AEBP1: variants seen among roughly 807,000 people sequenced by gnomAD.
The protein encoded by AEBP1 is adipocyte enhancer-binding protein 1.
A neutral mutation model predicts 116.5 loss-of-function variants in AEBP1; 69 were observed. The ratio of observed to expected loss-of-function variants is 0.59; its 90% CI spans 0.49 to 0.72. The LOEUF is 0.72. AEBP1 is among the 30% of genes least tolerant of loss of function. The pLI, the probability that AEBP1 is intolerant of heterozygous loss-of-function variation, is 0.00. For synonymous variants in AEBP1, 627 were observed against 627.3 expected, an observed-to-expected ratio of 1.00 and a Z score of 0.01; for missense variants, 1,444 against 1,557.5, an observed-to-expected ratio of 0.93 and a Z score of 1.23.
intron 1 of AEBP1, among the ~76,000 whole-genome samples, chr7:44,105,973 A>C (rs1054616236): frequency 6.6e-6 from 1 of 152,158 alleles, no homozygotes; most frequent in Non-Finnish European, 1.5e-5. Flanking sequence ...TGAACCCCCC[A>C]GGACTCCCTA....
chr7:44,113,426 CAG>C lies in AEBP1; in HGVS notation c.2809+76_2809+77del. On this transcript the variant is annotated intron_variant, in intron 20 of 20. Transcript: ENST00000223357. This position sits in a 1 kb window ranked among gnomAD's most constrained non-coding sequence, Gnocchi z 5.3. ...AGAGAGGGTGGGGGCTTGAGGAACTCAGCGAGCAGGTAGAGTCTGGGGAGCCT... is the reference window on the plus strand; with the variant it reads ...AGAGAGGGTGGGGGCTTGAGGAACTCCGAGCAGGTAGAGTCTGGGGAGCCT... 1 of 1,501,352 alleles carries C rather than the reference CAG, an allele frequency of 6.7e-7. No homozygotes were observed. Among genetic ancestry groups the C allele is most frequent in the Non-Finnish European group, 9.1e-7 (1 of 1,104,660 alleles). The allele number at this position is 1,501,352 out of a possible 1,614,324, so 93.0% of individuals were successfully genotyped here.
At position 44,108,210 on chromosome 7, in the gene AEBP1, G is replaced by A. The variant is rs761777473; in HGVS notation, c.940+126G>A. 4.5e-5 allele frequency: 37 copies of A among 825,008 alleles called. No individual in the cohort carries two copies. The highest frequency in any genetic ancestry group is 6.7e-5 in the Non-Finnish European group (34 of 507,492). 51.1% of individuals were successfully genotyped at this position (825,008 alleles called of 1,614,324 possible). A position where few individuals can be genotyped will look rare whatever the true frequency, so the allele number is the denominator to read the frequency against. On this transcript the variant is annotated intron_variant, in intron 6 of 20. Coordinates refer to ENST00000223357, the MANE Select transcript of AEBP1 (RefSeq NM_001129.5). The surrounding 1 kb of genome is among the most constrained non-coding windows in gnomAD (Gnocchi z 5.0). ...CCCCACCTGTGCCCGTGGTTACCTC[G>A]CTGTCCCTGCTGTCCCTGCGTGCCC...
At chr7:44,105,365 G>C (rs1459711875) in intron 1 of AEBP1, among the ~76,000 whole-genome samples, 1 of 152,144 alleles carries the variant, frequency 6.6e-6, no homozygotes, top group Non-Finnish European at 1.5e-5. Context: ...AGTTTCAGGT[G>C]GTGGTGAGCA....
chr7:44,108,116 C>T lies in AEBP1; in HGVS notation c.940+32C>T. On this transcript the variant is annotated intron_variant, in intron 6 of 20. Transcript: ENST00000223357. This position sits in a 1 kb window ranked among gnomAD's most constrained non-coding sequence, Gnocchi z 5.0. The stretch of plus-strand genomic sequence containing the variant: ...ACCCAGCACCCCAGAGTCTGAGGGA[C>T]ATAGGCAGGTGGGGGTCGGGGCTGG... 6.4e-7 allele frequency: 1 copy of T among 1,572,048 alleles called. No individual in the cohort carries two copies. The highest frequency in any genetic ancestry group is 8.6e-7 in the Non-Finnish European group (1 of 1,159,218).
intron 1 of AEBP1, 30 bp from the exon 2 acceptor site, chr7:44,106,516 T>C (rs1298935744): frequency 6.4e-7 from 1 of 1,555,500 alleles, no homozygotes; most frequent in Non-Finnish European, 8.7e-7. Flanking sequence ...CTGGCTCTGT[T>C]CATTTGACAC....
Position 44,112,644 on chromosome 7 carries a change from A to G in AEBP1, c.2304A>G (p.Leu768=). The G allele has an allele frequency of 1.9e-6, 3 of 1,612,846 alleles. No individual in the cohort carries two copies. Among genetic ancestry groups the G allele is most frequent in the Non-Finnish European group, 2.5e-6 (3 of 1,179,604 alleles). ...LGANLNGGER[L]VSYPYDMART... ...CAAATCTGAACGGCGGCGAGCGGCTAGTATCCTACCCCTACGATATGGCCC... is the reference window on the plus strand; with the variant it reads ...CAAATCTGAACGGCGGCGAGCGGCTGGTATCCTACCCCTACGATATGGCCC... The change falls in exon 18 of 21, where the codon CTA becomes CTG. Residue 768 remains leucine (L), a synonymous_variant. Coordinates refer to ENST00000223357, the MANE Select transcript of AEBP1 (RefSeq NM_001129.5). This position sits in a 1 kb window ranked among gnomAD's most constrained non-coding sequence, Gnocchi z 6.6.
Position 44,107,645 on chromosome 7 carries a change from C to T in AEBP1, c.684C>T (p.Thr228=), listed in dbSNP as rs148932183. The T allele has an allele frequency of 4.6e-5, 74 of 1,613,422 alleles. No homozygotes were observed. The highest frequency in any genetic ancestry group is 4.3e-4 in the African/African-American group (32 of 74,822). The change falls in exon 4 of 21, where the codon ACC becomes ACT. Residue 228 remains threonine (T), a synonymous_variant. Coordinates refer to ENST00000223357, the MANE Select transcript of AEBP1 (RefSeq NM_001129.5). The surrounding 1 kb of genome is among the most constrained non-coding windows in gnomAD (Gnocchi z 4.3). ...REHQPEPEEE[T]EQPTLDYNDQ... ...TCCCCTCAGAGCCGGAGGAGGAGACCGAGCAACCCACACTGGACTACAATG... is the reference window on the plus strand; with the variant it reads ...TCCCCTCAGAGCCGGAGGAGGAGACTGAGCAACCCACACTGGACTACAATG...
chr7:44,107,916 C>T lies in AEBP1; in HGVS notation c.847C>T (p.Pro283Ser). Reference protein sequence around the residue: ...PPEEKAPAPAPEERIEPPVKP... With the variant: ...PPEEKAPAPASEERIEPPVKP... Reference sequence around the variant, plus strand: ...TGAGGAGAAGGCCCCGGCCCCAGCCCCGGAGGAGAGGATTGGTAGGATGGG... The same window carrying T: ...TGAGGAGAAGGCCCCGGCCCCAGCCTCGGAGGAGAGGATTGGTAGGATGGG... Residue 283 changes from proline (P) to serine (S), a missense_variant, in exon 5 of 21, where the codon CCG becomes TCG. Pro to Ser is a moderately conservative substitution (Grantham distance 74). Transcript: ENST00000223357. This position sits in a 1 kb window ranked among gnomAD's most constrained non-coding sequence, Gnocchi z 4.3. 6.3e-7 allele frequency: 1 copy of T among 1,590,140 alleles called. No homozygotes were observed. Among genetic ancestry groups the T allele is most frequent in the Admixed American group, 1.7e-5 (1 of 57,212 alleles).
rs1302474771 is a variant in AEBP1, at chr7:44,108,229, C to T, written c.940+145C>T. On this transcript the variant is annotated intron_variant, in intron 6 of 20. Transcript: ENST00000223357. The surrounding 1 kb of genome is among the most constrained non-coding windows in gnomAD (Gnocchi z 5.0). ...TACCTCGCTGTCCCTGCTGTCCCTG[C>T]GTGCCCACCCCAGCCACTGCCCTGT... The T allele has an allele frequency of 2.1e-5, 16 of 760,244 alleles. 1 individual carries two copies. Among genetic ancestry groups the T allele is most frequent in the South Asian group, 1.0e-4 (6 of 58,162 alleles). The allele number at this position is 760,244 out of a possible 1,614,324, so 47.1% of individuals were successfully genotyped here.
At position 44,114,226 on chromosome 7, in the gene AEBP1, G is replaced by A. The variant is rs13898; in HGVS notation, c.3442G>A (p.Val1148Ile). 0.031 allele frequency: 49,218 copies of A among 1,611,706 alleles called. 912 individuals are homozygous for A. Among genetic ancestry groups the A allele is most frequent in the Non-Finnish European group, 0.037 (44,023 of 1,179,128 alleles). ...TGGCCAGGCATTCCCCTTCACAACA[G>A]TAGAGACCTACACAGTGAACTTTGG... is the stretch of plus-strand genomic sequence containing the variant. ...ATGQAFPFTTVETYTVNFGDF is the reference protein window; with the variant it reads ...ATGQAFPFTTIETYTVNFGDF The change falls in exon 21 of 21, where the codon GTA (valine) becomes ATA (isoleucine). Residue 1148 changes from valine (V) to isoleucine (I), a missense_variant. Physicochemically the swap from Val to Ile is conservative, Grantham distance 29. Transcript: ENST00000223357.
chr7:44,110,878 C>T, intron 12 of AEBP1, 35 bp from the exon 13 acceptor site: 1 of 1,613,330 alleles, frequency 6.2e-7, no homozygotes, highest in Non-Finnish European at 8.5e-7. Flanking sequence ...CTCAGAGGGG[C>T]TGGCAGTACT....
intron 1 of AEBP1, among the ~76,000 whole-genome samples, chr7:44,105,240 G>C (rs1586044103): frequency 6.6e-6 from 1 of 152,204 alleles, no homozygotes; most frequent in Admixed American, 6.5e-5. Context: ...GGACTGTGCT[G>C]TGTCACCCCC....
chr7:44,111,105 G>T lies in AEBP1; in HGVS notation c.1630+48G>T, dbSNP rs2096228884. On this transcript the variant is annotated intron_variant, in intron 13 of 20. Coordinates refer to ENST00000223357, the MANE Select transcript of AEBP1 (RefSeq NM_001129.5). The surrounding 1 kb of genome is among the most constrained non-coding windows in gnomAD (Gnocchi z 4.7). ...GGCTCTGAGTGGAGGTGGGGTGCTAGGGTGGGCCAGCCGGCACCCAGCTAA... is the reference window on the plus strand; with the variant it reads ...GGCTCTGAGTGGAGGTGGGGTGCTATGGTGGGCCAGCCGGCACCCAGCTAA... The T allele has an allele frequency of 6.3e-7, 1 of 1,586,568 alleles. No individual in the cohort carries two copies.
In AEBP1 at chr7:44,106,639, C is replaced by T. The variant is rs564381012; in HGVS notation, c.347C>T (p.Pro116Leu). The change falls in exon 2 of 21, where the codon CCG becomes CTG. Residue 116 changes from proline to leucine, a missense_variant. Pro to Leu is a moderately conservative substitution (Grantham distance 98). Transcript: ENST00000223357. ...GAGTCCTTGGAGGGGTCCCCCAGGC[C>T]GCCCAAGAAGGGGAAGGAGAAGCCA... ...PKESLEGSPR[P>L]PKKGKEKPPK... 64 of 1,612,862 alleles carry T rather than the reference C, an allele frequency of 4.0e-5. 1 individual carries two copies. The highest frequency in any genetic ancestry group is 1.7e-4 in the African/African-American group (13 of 74,904).
rs1030193768 is a variant in AEBP1 at position 44,111,290 on chromosome 7, G to A, written c.1716+51G>A. On this transcript the variant is annotated intron_variant, in intron 14 of 20. Coordinates refer to ENST00000223357, the MANE Select transcript of AEBP1 (RefSeq NM_001129.5). This position sits in a 1 kb window ranked among gnomAD's most constrained non-coding sequence, Gnocchi z 4.7. ...GGGGTGGGACCTGTCTGTGGCTGAC[G>A]GGAGTGTGTGCCTGGTGCTTCTGTC... 5.4e-6 allele frequency: 8 copies of A among 1,472,152 alleles called. No homozygotes were observed. Among genetic ancestry groups the A allele is most frequent in the Admixed American group, 4.9e-5 (2 of 40,768 alleles). The allele number at this position is 1,472,152 out of a possible 1,614,324, so 91.2% of individuals were successfully genotyped here. A position where few individuals can be genotyped will look rare whatever the true frequency, so the allele number is the denominator to read the frequency against.
rs754028506 is a variant in AEBP1, at chr7:44,104,807, G to C, written c.142G>C (p.Glu48Gln). The change falls in exon 1 of 21, where the codon GAG (glutamate) becomes CAG (glutamine). Residue 48 changes from glutamate (E) to glutamine (Q), a missense_variant. Physicochemically the swap from Glu to Gln is conservative, Grantham distance 29. Transcript: ENST00000223357. The part of the protein sequence containing the change: ...LEGFLSELEP[E>Q]PREDDVEAPP... The stretch of plus-strand genomic sequence containing the variant: ...GGGCTTCCTGTCAGAGCTAGAACCT[G>C]AGCCCCGGGAGGACGACGTGGAGGC... The C allele has an allele frequency of 6.2e-7, 1 of 1,607,740 alleles. No individual in the cohort carries two copies. Among genetic ancestry groups the C allele is most frequent in the Non-Finnish European group, 8.5e-7 (1 of 1,177,902 alleles).
chr7:44,107,017 C>G lies in AEBP1; in HGVS notation c.595+130C>G, dbSNP rs1586045548. Reference sequence around the variant, plus strand: ...AGCTCCCCACTGGATGGGAACCTCACTTTTGCTATAAATTTCACAATTTGA... The same window carrying G: ...AGCTCCCCACTGGATGGGAACCTCAGTTTTGCTATAAATTTCACAATTTGA... On this transcript the variant is annotated intron_variant, in intron 2 of 20. Coordinates refer to ENST00000223357, the MANE Select transcript of AEBP1 (RefSeq NM_001129.5). This position sits in a 1 kb window ranked among gnomAD's most constrained non-coding sequence, Gnocchi z 4.3. 4 of 719,824 alleles carry G rather than the reference C, an allele frequency of 5.6e-6. No homozygotes were observed. The highest frequency in any genetic ancestry group is 3.9e-4 in the Middle Eastern group (1 of 2,560). 44.6% of individuals were successfully genotyped at this position (719,824 alleles called of 1,614,324 possible). A position where few individuals can be genotyped will look rare whatever the true frequency, so the allele number is the denominator to read the frequency against.
chr7:44,108,891 C>G lies in AEBP1; in HGVS notation c.941-8C>G. On this transcript the variant is annotated splice_region_variant and splice_polypyrimidine_tract_variant and intron_variant, in intron 6 of 20. Transcript: ENST00000223357. The surrounding 1 kb of genome is among the most constrained non-coding windows in gnomAD (Gnocchi z 5.0). ...AGGGCAGCCTCAGCTGGCTCTCCCT[C>G]CCCATAGTGGACTATTACTTTGGGC... The G allele has an allele frequency of 6.4e-7, 1 of 1,569,814 alleles. No individual in the cohort carries two copies. Among genetic ancestry groups the G allele is most frequent in the Non-Finnish European group, 8.6e-7 (1 of 1,158,304 alleles).
Position 44,114,314 on chromosome 7 carries a change from TC to T in AEBP1, c.*56del. ...CAACTCAAGCTACAGCAGCAGCACT[TC>T]CCAAGCCTGCTGACCACAGTCACAT... On this transcript the variant is annotated 3_prime_UTR_variant, in exon 21 of 21. Coordinates refer to ENST00000223357, the MANE Select transcript of AEBP1 (RefSeq NM_001129.5). The T allele has an allele frequency of 6.3e-7, 1 of 1,585,214 alleles. No individual in the cohort carries two copies. Among genetic ancestry groups the T allele is most frequent in the Non-Finnish European group, 8.6e-7 (1 of 1,157,558 alleles).
Sources: allele counts gnomAD v4.1 joint callset (sites outside exome capture counted in the v4.1 genomes callset), GRCh38; gene constraint gnomAD v4.1.1; non-coding constraint Gnocchi (gnomAD v3.1); transcripts MANE v1.5; gene names NCBI Gene and HGNC (gene_info 2026-07-23, HGNC 2026-07-21).